Variants in GRID1 observed in about 807,000 individuals in gnomAD.
The protein encoded by GRID1 is glutamate receptor ionotropic, delta-1.
GRID1 carries 28 observed loss-of-function variants against 98.0 expected under a neutral mutation model. The ratio of observed to expected loss-of-function variants is 0.29; its 90% CI spans 0.21 to 0.39. GRID1 has a LOEUF of 0.39. Among genes scored for constraint, GRID1 ranks in the 10% least tolerant of loss-of-function variants. The probability of loss-of-function intolerance (pLI) is 1.00; values close to 1 mark genes in which losing one functional copy is unlikely to be tolerated. For missense variants in GRID1, 1,111 were observed against 1,340.5 expected (o/e 0.83, Z 2.67); for synonymous variants, 553 against 538.5 (o/e 1.03, Z -0.37).
chr10:86,290,788 T>G (rs1021613831), intron 2 of GRID1, among the ~76,000 whole-genome samples: 2 of 152,222 alleles, frequency 1.3e-5, no homozygotes, highest in Non-Finnish European at 2.9e-5. Flanking sequence ...GAGGCAGTTG[T>G]GGAAAGCCAA....
chr10:85,744,460 A>T (rs1010827067), intron 8 of GRID1, among the ~76,000 whole-genome samples: 16 of 150,916 alleles, frequency 1.1e-4, no homozygotes, highest in African/African-American at 3.9e-4. Flanking sequence ...GAGAAAAACA[A>T]GCAATGGGGA....
At chr10:86,341,026 C>T (rs1848302826) in intron 2 of GRID1, among the ~76,000 whole-genome samples, 1 of 152,168 alleles carries the variant, frequency 6.6e-6, no homozygotes, top group Non-Finnish European at 1.5e-5. Context: ...CTGTAATCCC[C>T]TGGCTCTCAG....
chr10:85,727,763 C>T, intron 10 of GRID1, 92 bp downstream of exon 10: 2 of 940,682 alleles, frequency 2.1e-6, no homozygotes, highest in Non-Finnish European at 3.4e-6. Flanking sequence ...TAGCTGGTCC[C>T]AAGGTTTCCA....
intron 13 of GRID1, among the ~76,000 whole-genome samples, chr10:85,635,328 T>C (rs769277360): frequency 1.1e-4 from 17 of 152,080 alleles, no homozygotes; most frequent in Non-Finnish European, 2.1e-4. Context: ...CAAGGAGTTA[T>C]AAAGGGGCCA....
At chr10:85,878,787 A>C (rs1162652120) in intron 5 of GRID1, among the ~76,000 whole-genome samples, 1 of 150,920 alleles carries the variant, frequency 6.6e-6, no homozygotes, top group Non-Finnish European at 1.5e-5. Flanking sequence ...CTTTAAATGT[A>C]AATGGACTAA....
chr10:85,925,913 A>T (rs1181867556), intron 4 of GRID1, among the ~76,000 whole-genome samples: 2 of 152,332 alleles, frequency 1.3e-5, no homozygotes, highest in East Asian at 3.9e-4. Context: ...CTCAACCCAA[A>T]TCATTTTTAA....
chr10:85,943,156 G>C (rs1842015642), intron 4 of GRID1, among the ~76,000 whole-genome samples: 1 of 152,064 alleles, frequency 6.6e-6, no homozygotes, highest in African/African-American at 2.4e-5. Flanking sequence ...TAAATTCCTA[G>C]AGGAAAAATT....
At position 85,840,265 on chromosome 10, in the gene GRID1, C is replaced by A. The variant is rs545628442; in HGVS notation, c.1233+14231G>T. 2.0e-5 allele frequency among the ~76,000 whole-genome samples: 3 copies of A among 152,214 alleles called. No individual in the cohort carries two copies. In the East Asian group the frequency reaches 5.8e-4, roughly 29 times the overall value. The stretch of plus-strand genomic sequence containing the variant: ...TCCCTATCTCATTCTATGAGGCCAG[C>A]ATCATCTTGATACCAAAACCTGGCA... On this transcript the variant is annotated intron_variant, in intron 8 of 15. Coordinates refer to ENST00000327946, the MANE Select transcript of GRID1 (RefSeq NM_017551.3).
At chr10:86,282,902 C>G (rs569348884) in intron 2 of GRID1, among the ~76,000 whole-genome samples, 16 of 152,168 alleles carry the variant, frequency 1.1e-4, no homozygotes, top group Non-Finnish European at 2.2e-4. Context: ...CACTCTGAAG[C>G]CAATCAGCAG....
At chr10:85,949,146 T>C (rs1361414907) in intron 4 of GRID1, among the ~76,000 whole-genome samples, 1 of 152,178 alleles carries the variant, frequency 6.6e-6, no homozygotes, top group Non-Finnish European at 1.5e-5. Flanking sequence ...GGGCAGCAGA[T>C]AGCCTTTTGT....
At chr10:85,723,904 A>G (rs867820290) in intron 11 of GRID1, among the ~76,000 whole-genome samples, 44 of 152,344 alleles carry the variant, frequency 2.9e-4, no homozygotes, top group African/African-American at 8.9e-4. Context: ...TAGTGGATAG[A>G]AGTACCATCC....
At chr10:86,127,923 T>C (rs926577691) in intron 4 of GRID1, among the ~76,000 whole-genome samples, 2 of 152,142 alleles carry the variant, frequency 1.3e-5, no homozygotes, top group Non-Finnish European at 2.9e-5. Context: ...GCACCACCCC[T>C]GCACCAGGCC....
At chr10:86,033,598 G>A (rs933368033) in intron 4 of GRID1, among the ~76,000 whole-genome samples, 1 of 152,196 alleles carries the variant, frequency 6.6e-6, no homozygotes, top group African/African-American at 2.4e-5. Context: ...CAGCCCCAAG[G>A]AACATCCAGA....
At chr10:85,876,180 T>A (rs1448712310) in intron 5 of GRID1, among the ~76,000 whole-genome samples, 2 of 152,108 alleles carry the variant, frequency 1.3e-5, no homozygotes, top group African/African-American at 4.8e-5. Context: ...ATAACAGAGT[T>A]TTATTCTATC....
chr10:86,084,600 A>G (rs1359584755), intron 4 of GRID1, among the ~76,000 whole-genome samples: 1 of 152,252 alleles, frequency 6.6e-6, no homozygotes, highest in Non-Finnish European at 1.5e-5. Context: ...TCACAGCAGC[A>G]TTATTCACAA....
At chr10:86,349,797 A>G (rs1263113637) in intron 2 of GRID1, among the ~76,000 whole-genome samples, 2 of 152,182 alleles carry the variant, frequency 1.3e-5, no homozygotes, top group Non-Finnish European at 2.9e-5. Flanking sequence ...TGCCCATCCA[A>G]GGACTTTTAC....
chr10:86,228,550 ACACCCTGGCCAGGCATCC>A (rs1336503986), intron 2 of GRID1, among the ~76,000 whole-genome samples: 7 of 152,096 alleles, frequency 4.6e-5, no homozygotes, highest in Non-Finnish European at 7.4e-5. Flanking sequence ...ATTCCACCTG[ACACCCTGGCCAGGCATCC>A]CAGAGCTGCC....
chr10:85,652,074 T>C (rs981428866), intron 12 of GRID1, among the ~76,000 whole-genome samples: 12 of 152,192 alleles, frequency 7.9e-5, no homozygotes, highest in African/African-American at 2.9e-4. Flanking sequence ...CAAAAGGACT[T>C]TGTAAGCATC....
intron 8 of GRID1, among the ~76,000 whole-genome samples, chr10:85,735,298 C>A (rs1020116388): frequency 2.6e-5 from 4 of 152,140 alleles, no homozygotes; most frequent in African/African-American, 9.7e-5. Context: ...AAGACAGCTA[C>A]GGTTTTCATT....
Sources: allele counts gnomAD v4.1 joint callset (sites outside exome capture counted in the v4.1 genomes callset), GRCh38; gene constraint gnomAD v4.1.1; transcripts MANE v1.5; gene names NCBI Gene and HGNC (gene_info 2026-07-23, HGNC 2026-07-21).